The following PLEKHG2 variants were observed in gnomAD, a reference collection of about 807,000 sequenced individuals.
PLEKHG2 encodes the protein pleckstrin homology and RhoGEF domain containing G2, also known as pleckstrin homology domain-containing family G member 2.
PLEKHG2 carries 71 observed loss-of-function variants against 104.4 expected under a neutral mutation model. That is an observed-to-expected ratio of 0.68 (90% CI 0.56 to 0.83). PLEKHG2 has a LOEUF of 0.83. PLEKHG2 is among the 40% of genes least tolerant of loss of function. The probability of loss-of-function intolerance (pLI) is 0.00; values close to 1 mark genes in which losing one functional copy is unlikely to be tolerated. For synonymous variants in PLEKHG2, 728 were observed against 737.0 expected (o/e 0.99, Z 0.20); for missense variants, 1,730 against 1,809.4 (o/e 0.96, Z 0.80).
chr19:39,415,551 A>C lies in PLEKHG2; in HGVS notation c.479+112A>C. The C allele has an allele frequency of 8.2e-7, 1 of 1,214,038 alleles. No homozygotes were observed. Among genetic ancestry groups the C allele is most frequent in the Non-Finnish European group, 1.2e-6 (1 of 861,930 alleles). The allele number at this position is 1,214,038 out of a possible 1,614,324, so 75.2% of individuals were successfully genotyped here. A position where few individuals can be genotyped will look rare whatever the true frequency, so the allele number is the denominator to read the frequency against. Reference sequence around the variant, plus strand: ...GTCCAGGCTGGTACGTGGGGTTGTGACATTGGGCAAGGATCAGGGATCACG... The same window carrying C: ...GTCCAGGCTGGTACGTGGGGTTGTGCCATTGGGCAAGGATCAGGGATCACG... On this transcript the variant is annotated intron_variant, in intron 4 of 18. Coordinates refer to ENST00000425673, the MANE Select transcript of PLEKHG2 (RefSeq NM_022835.3). This position sits in a 1 kb window ranked among gnomAD's most constrained non-coding sequence, Gnocchi z 4.6.
Position 39,416,701 on chromosome 19 carries a change from CT to C in PLEKHG2, c.593+105del. The C allele has an allele frequency of 6.6e-7, 1 of 1,507,326 alleles. No homozygotes were observed. The highest frequency in any genetic ancestry group is 9.1e-7 in the Non-Finnish European group (1 of 1,094,768). The allele number at this position is 1,507,326 out of a possible 1,614,324, so 93.4% of individuals were successfully genotyped here. ...CCCCCGACCCATCCAGCACCGACCC[CT>C]GCCAGGCTGTGACAGTAACTGACCT... On this transcript the variant is annotated intron_variant, in intron 6 of 18. Coordinates refer to ENST00000425673, the MANE Select transcript of PLEKHG2 (RefSeq NM_022835.3). This position sits in a 1 kb window ranked among gnomAD's most constrained non-coding sequence, Gnocchi z 4.5.
rs774955823 is a variant in PLEKHG2 at position 39,417,925 on chromosome 19, T to A, written c.903T>A (p.Gly301=). ...GGCAGGAAGTGCAGCGGCGGCTGGG[T>A]GGCTGGACCGGACCAGAGCTCAGTG... The part of the protein sequence containing the change: ...ARLQEVQRRL[G]GWTGPELSAF... The change falls in exon 9 of 19, where the codon GGT becomes GGA. Residue 301 remains glycine, a synonymous_variant. Transcript: ENST00000425673. The A allele has an allele frequency of 6.5e-7, 1 of 1,541,176 alleles. No homozygotes were observed. The highest frequency in any genetic ancestry group is 8.7e-7 in the Non-Finnish European group (1 of 1,145,188).
Position 39,413,195 on chromosome 19 carries a change from G to A in PLEKHG2, c.-240G>A, listed in dbSNP as rs1291426218. 1 of 152,184 alleles carries A rather than the reference G, an allele frequency of 6.6e-6. No homozygotes were observed. The highest frequency in any genetic ancestry group is 1.9e-4 in the East Asian group (1 of 5,176). The allele number at this position is 152,184 out of a possible 1,614,324, so 9.4% of individuals were successfully genotyped here. ...ATGTGGGTCCCCAGCGCCGCCATCT[G>A]AGACTCCAGAGTCGAGGCTCCTAGC... On this transcript the variant is annotated 5_prime_UTR_variant, in exon 1 of 19. The change abolishes the stop of an existing upstream ORF in the 5' untranslated region. Coordinates refer to ENST00000425673, the MANE Select transcript of PLEKHG2 (RefSeq NM_022835.3). This position sits in a 1 kb window ranked among gnomAD's most constrained non-coding sequence, Gnocchi z 4.5.
chr19:39,418,586 A>G (rs1022026808), intron 9 of PLEKHG2, 148 bp from the exon 10 acceptor site: 26 of 624,854 alleles, frequency 4.2e-5, no homozygotes, highest in Non-Finnish European at 5.5e-5. Context: ...CTCAAAAAAA[A>G]AAAAGGGAGA....
In PLEKHG2 at chr19:39,423,588, G is replaced by T. The variant is rs372793021; in HGVS notation, c.2534G>T (p.Arg845Leu). 2.6e-6 allele frequency: 4 copies of T among 1,532,706 alleles called. No homozygotes were observed. In the South Asian group the frequency reaches 5.2e-5, roughly 20 times the overall value. The allele number at this position is 1,532,706 out of a possible 1,614,324, so 94.9% of individuals were successfully genotyped here. The change falls in exon 18 of 19, where the codon CGC becomes CTC. Residue 845 changes from arginine to leucine, a missense_variant. Physicochemically the swap from Arg to Leu is moderately radical, Grantham distance 102 (BLOSUM62 -2). Coordinates refer to ENST00000425673, the MANE Select transcript of PLEKHG2 (RefSeq NM_022835.3). Reference sequence around the variant, plus strand: ...CGGGCATCAGCCAATGCCCCGCGCCGCCGGCCTCGGGTTCTGGCCCAACCC... The same window carrying T: ...CGGGCATCAGCCAATGCCCCGCGCCTCCGGCCTCGGGTTCTGGCCCAACCC... ...ETRASANAPR[R>L]RPRVLAQPQP...
Position 39,418,864 on chromosome 19 carries a change from C to A in PLEKHG2, c.1176+38C>A, listed in dbSNP as rs769083057. 71 of 1,596,362 alleles carry A rather than the reference C, an allele frequency of 4.4e-5. No homozygotes were observed. In the Middle Eastern group the frequency reaches 5.0e-4, roughly 11 times the overall value. On this transcript the variant is annotated intron_variant, in intron 10 of 18. Transcript: ENST00000425673. ...TGGGATCAGGCTGGCAGGGATCCCC[C>A]AGCCTCGAGACCTCACACCTGGCCC...
chr19:39,427,018 G>A lies in PLEKHG2; in HGVS notation c.*1724G>A, dbSNP rs993651337. The A allele has an allele frequency of 6.6e-6, 1 of 151,030 alleles. No individual in the cohort carries two copies. Among genetic ancestry groups the A allele is most frequent in the African/African-American group, 2.4e-5 (1 of 41,104 alleles). 9.4% of individuals were successfully genotyped at this position (151,030 alleles called of 1,614,324 possible). A position where few individuals can be genotyped will look rare whatever the true frequency, so the allele number is the denominator to read the frequency against. On this transcript the variant is annotated 3_prime_UTR_variant, in exon 19 of 19. Transcript: ENST00000425673. ...CACCACCATGCCCAGCTAATTTTTC[G>A]TTGTTGTTGTTGTTGTTTTGTTTTT...
In PLEKHG2 at chr19:39,416,924, T is replaced by C; in HGVS notation, c.668T>C (p.Leu223Pro). The change falls in exon 7 of 19, where the codon CTT becomes CCT. Residue 223 changes from leucine (L) to proline (P), a missense_variant. Physicochemically the swap from Leu to Pro is moderately conservative, Grantham distance 98 (BLOSUM62 -3). Coordinates refer to ENST00000425673, the MANE Select transcript of PLEKHG2 (RefSeq NM_022835.3). This position sits in a 1 kb window ranked among gnomAD's most constrained non-coding sequence, Gnocchi z 4.5. ...ALWLQERQAQ[L>P]RHSLPLQSFL... ...TGGCTGCAGGAGCGCCAGGCCCAGC[T>C]TCGCCACTCGCTGCCCCTGCAGAGC... The C allele has an allele frequency of 6.2e-7, 1 of 1,613,314 alleles. No individual in the cohort carries two copies. Among genetic ancestry groups the C allele is most frequent in the Non-Finnish European group, 8.5e-7 (1 of 1,179,946 alleles).
chr19:39,420,386 G>A (rs563972365), intron 11 of PLEKHG2, among the ~76,000 whole-genome samples: 1 of 152,078 alleles, frequency 6.6e-6, no homozygotes, highest in East Asian at 1.9e-4. Flanking sequence ...TTAGCTGGAT[G>A]TGATGGTGCA....
At chr19:39,414,856 A>C in intron 2 of PLEKHG2, 136 bp from the exon 3 acceptor site, 1 of 995,420 alleles carries the variant, frequency 1.0e-6, no homozygotes, top group South Asian at 1.7e-5. Flanking sequence ...AAGACAGGGC[A>C]GTGGGGAGAG....
intron 16 of PLEKHG2, chr19:39,421,703 AT>A (rs1486630708): frequency 3.3e-5 from 7 of 210,424 alleles, no homozygotes; most frequent in Non-Finnish European, 6.7e-5. Context: ...ATAAATAAAA[AT>A]TTTAAGAGAA....
rs1441185955 is a variant in PLEKHG2, at chr19:39,413,330, G to A, written c.-105G>A. 6.6e-6 allele frequency: 1 copy of A among 152,258 alleles called. No individual in the cohort carries two copies. 9.4% of individuals were successfully genotyped at this position (152,258 alleles called of 1,614,324 possible). On this transcript the variant is annotated 5_prime_UTR_variant, in exon 1 of 19. Coordinates refer to ENST00000425673, the MANE Select transcript of PLEKHG2 (RefSeq NM_022835.3). This position sits in a 1 kb window ranked among gnomAD's most constrained non-coding sequence, Gnocchi z 4.5. Reference sequence around the variant, plus strand: ...GCCCGAAGTTCACGCCCCTGAGTCTGGGCTCCGCACCTCCCTGGGGACCGC... The same window carrying A: ...GCCCGAAGTTCACGCCCCTGAGTCTAGGCTCCGCACCTCCCTGGGGACCGC...
Position 39,425,157 on chromosome 19 carries a change from C to T in PLEKHG2, c.4024C>T (p.His1342Tyr), listed in dbSNP as rs1243076758. 1.9e-6 allele frequency: 3 copies of T among 1,595,930 alleles called. No individual in the cohort carries two copies. In the African/African-American group the frequency reaches 4.0e-5, roughly 22 times the overall value. ...RLSYATTVNI[H>Y]VGGGGRLRPA... ...CAGCTATGCCACGACGGTTAACATC[C>T]ACGTGGGCGGGGGTGGGCGGCTGCG... Residue 1342 changes from histidine to tyrosine, a missense_variant, in exon 19 of 19, where the codon CAC becomes TAC. Coordinates refer to ENST00000425673, the MANE Select transcript of PLEKHG2 (RefSeq NM_022835.3).
In PLEKHG2 at chr19:39,415,370, T is replaced by C. The variant is rs531253893; in HGVS notation, c.410T>C (p.Val137Ala). 1.2e-6 allele frequency: 2 copies of C among 1,614,040 alleles called. No individual in the cohort carries two copies. Among genetic ancestry groups the C allele is most frequent in the Non-Finnish European group, 1.7e-6 (2 of 1,179,982 alleles). The change falls in exon 4 of 19, where the codon GTC becomes GCC. Residue 137 changes from valine (V) to alanine (A), a missense_variant. Coordinates refer to ENST00000425673, the MANE Select transcript of PLEKHG2 (RefSeq NM_022835.3). The surrounding 1 kb of genome is among the most constrained non-coding windows in gnomAD (Gnocchi z 4.6). ...DYLGPLLDGG[V>A]LGLSVEQVGT... ...CTGGGCCCTCTGCTGGACGGCGGGG[T>C]CCTGGGGCTGAGCGTGGAGCAGGTG...
chr19:39,418,144 C>G (rs939346041), intron 9 of PLEKHG2, 39 bp downstream of exon 9: 17 of 1,444,726 alleles, frequency 1.2e-5, no homozygotes, highest in Non-Finnish European at 1.3e-5. Flanking sequence ...ATACTACCTA[C>G]AAAGTATATC....
Position 39,422,217 on chromosome 19 carries a change from G to C in PLEKHG2, c.1606G>C (p.Asp536His), listed in dbSNP as rs2078709571. The change falls in exon 17 of 19, where the codon GAC becomes CAC. Residue 536 changes from aspartate to histidine, a missense_variant. Transcript: ENST00000425673. ...GGAGGATGCTGGACCCCCAACACTG[G>C]ACCCCTCTGGGACCTCAATCACTGA... ...DLEDAGPPTL[D>H]PSGTSITEEI... 1.2e-6 allele frequency: 2 copies of C among 1,613,806 alleles called. No individual in the cohort carries two copies. The highest frequency in any genetic ancestry group is 2.2e-5 in the East Asian group (1 of 44,866).
intron 15 of PLEKHG2, 50 bp from the exon 16 acceptor site, chr19:39,421,233 T>C (rs1239023410): frequency 6.2e-7 from 1 of 1,613,322 alleles, no homozygotes; most frequent in African/African-American, 1.3e-5. Context: ...TCACTCTTTT[T>C]CCCTTACATC....
At position 39,425,324 on chromosome 19, in the gene PLEKHG2, G is replaced by A. The variant is rs2078769347; in HGVS notation, c.*30G>A. 1.3e-6 allele frequency: 2 copies of A among 1,585,224 alleles called. No individual in the cohort carries two copies. The highest frequency in any genetic ancestry group is 1.1e-5 in the South Asian group (1 of 87,406). On this transcript the variant is annotated 3_prime_UTR_variant, in exon 19 of 19. Coordinates refer to ENST00000425673, the MANE Select transcript of PLEKHG2 (RefSeq NM_022835.3). ...GGACATGAGGCTTCCCTGAAGCAAG[G>A]ATTTCAGCCAGATGCCATAGACCCT... is the stretch of plus-strand genomic sequence containing the variant.
rs200867987 is a variant in PLEKHG2, at chr19:39,415,160, G to A, written c.278G>A (p.Gly93Glu). The A allele has an allele frequency of 1.2e-4, 188 of 1,598,728 alleles. No homozygotes were observed. Among genetic ancestry groups the A allele is most frequent in the Middle Eastern group, 6.6e-4 (4 of 6,050 alleles). ...ATCCGCCTACATCTCTCTCCGGTGG[G>A]GATCCCAGGTTCAGCCAGACCCTCA... ...PPIRLHLSPVGIPGSARPSRL... is the reference protein window; with the variant it reads ...PPIRLHLSPVEIPGSARPSRL... The change falls in exon 3 of 19, where the codon GGG (glycine) becomes GAG (glutamate). Residue 93 changes from glycine to glutamate, a missense_variant. By Grantham distance (98) the Gly-to-Glu change is moderately conservative. Transcript: ENST00000425673. The surrounding 1 kb of genome is among the most constrained non-coding windows in gnomAD (Gnocchi z 4.6).
Sources: gnomAD v4.1 joint callset for allele counts (sites outside exome capture counted in the v4.1 genomes callset) on GRCh38, gnomAD v4.1.1 for gene constraint, Gnocchi (gnomAD v3.1) non-coding constraint, MANE v1.5 for transcripts, NCBI Gene and HGNC (gene_info 2026-07-23, HGNC 2026-07-21) for gene names.